SRSF12: variants seen among roughly 807,000 people sequenced by gnomAD.
The protein encoded by SRSF12 is serine/arginine-rich splicing factor 12.
SRSF12 carries 21 observed loss-of-function variants against 34.1 expected under a neutral mutation model. That is an observed-to-expected ratio of 0.62 (90% confidence interval 0.44 to 0.89). The LOEUF (loss-of-function observed/expected upper bound fraction) is 0.89. SRSF12 is among the 40% of genes least tolerant of loss of function. The pLI is 0.00. For synonymous variants in SRSF12, 111 were observed against 110.8 expected (o/e 1.00, Z -0.01); for missense variants, 278 against 327.8 (o/e 0.85, Z 1.17).
chr6:89,105,418 C>A lies in SRSF12; in HGVS notation c.274+9G>T. On this transcript the variant is annotated intron_variant, in intron 3 of 4. Coordinates refer to ENST00000452027, the MANE Select transcript of SRSF12 (RefSeq NM_080743.5). ...GAATAAATAAAATCTAGCATTCAGT[C>A]ACACTTACTTTTGCGATCACCTTGT... 1 of 1,591,644 alleles carries A rather than the reference C, an allele frequency of 6.3e-7. No individual in the cohort carries two copies. Among genetic ancestry groups the A allele is most frequent in the South Asian group, 1.2e-5 (1 of 86,514 alleles).
chr6:89,113,422 T>A (rs1020021438), intron 1 of SRSF12, among the ~76,000 whole-genome samples: 3 of 152,096 alleles, frequency 2.0e-5, no homozygotes, highest in Non-Finnish European at 2.9e-5. Context: ...TCCGCCCACT[T>A]TGGCCTCCCA....
intron 4 of SRSF12, among the ~76,000 whole-genome samples, chr6:89,100,207 G>C (rs1255300987): frequency 2.0e-5 from 3 of 152,174 alleles, no homozygotes; most frequent in Non-Finnish European, 4.4e-5. Context: ...CAAAAAACCG[G>C]AATTCAGAAA....
At chr6:89,100,296 T>G (rs1249489043) in intron 4 of SRSF12, among the ~76,000 whole-genome samples, 3 of 152,068 alleles carry the variant, frequency 2.0e-5, no homozygotes, top group African/African-American at 7.2e-5. Context: ...AAAAGGTCAA[T>G]GAGGAACATT....
rs1353156160 is a variant in SRSF12 at position 89,105,422 on chromosome 6, C to T, written c.274+5G>A. The T allele has an allele frequency of 1.3e-6, 2 of 1,596,060 alleles. No homozygotes were observed. The highest frequency in any genetic ancestry group is 1.7e-6 in the Non-Finnish European group (2 of 1,173,874). ...AAATAAAATCTAGCATTCAGTCACA[C>T]TTACTTTTGCGATCACCTTGTGCAA... On this transcript the variant is annotated splice_donor_5th_base_variant and intron_variant, in intron 3 of 4. Coordinates refer to ENST00000452027, the MANE Select transcript of SRSF12 (RefSeq NM_080743.5).
At position 89,109,489 on chromosome 6, in the gene SRSF12, G is replaced by T. The variant is rs139396647; in HGVS notation, c.66-2231C>A. The stretch of plus-strand genomic sequence containing the variant: ...AGAGATCTACACAGCCAGTAGTAGA[G>T]CTAGGATTCAAATGAAGGTCTTCTG... On this transcript the variant is annotated intron_variant, in intron 1 of 4. Transcript: ENST00000452027. 6.0e-3 allele frequency among the ~76,000 whole-genome samples: 917 copies of T among 152,324 alleles called. 9 individuals are homozygous for T. The highest frequency in any genetic ancestry group is 0.021 in the African/African-American group (892 of 41,562).
intron 1 of SRSF12, among the ~76,000 whole-genome samples, chr6:89,108,703 AC>A (rs1217027452): frequency 6.6e-6 from 1 of 152,230 alleles, no homozygotes; most frequent in Non-Finnish European, 1.5e-5. Context: ...AAAAGAAGCA[AC>A]TTTCAGGTTT....
rs1769090439 is a variant in SRSF12 at position 89,112,326 on chromosome 6, ATT to A, written c.66-5070_66-5069del. 2.0e-5 allele frequency among the ~76,000 whole-genome samples: 3 copies of A among 152,180 alleles called. No individual in the cohort carries two copies. In the South Asian group the frequency reaches 6.2e-4, roughly 31 times the overall value. Reference sequence around the variant, plus strand: ...GTCTTCTGCTTTTAATTTTTTAAAAATTTGTTTTGTTTTAAAACATTCTTAGT... The same window carrying A: ...GTCTTCTGCTTTTAATTTTTTAAAAATGTTTTGTTTTAAAACATTCTTAGT... On this transcript the variant is annotated intron_variant, in intron 1 of 4. Coordinates refer to ENST00000452027, the MANE Select transcript of SRSF12 (RefSeq NM_080743.5).
chr6:89,113,888 C>A (rs1294230172), intron 1 of SRSF12, among the ~76,000 whole-genome samples: 1 of 152,108 alleles, frequency 6.6e-6, no homozygotes, highest in Admixed American at 6.5e-5. Flanking sequence ...AGTGATCTAC[C>A]CACCTCAGCC....
chr6:89,112,443 CTTTCT>C (rs1352586681), intron 1 of SRSF12, among the ~76,000 whole-genome samples: 5 of 140,464 alleles, frequency 3.6e-5, no homozygotes, highest in African/African-American at 7.7e-5. Flanking sequence ...ATTTTCTTTT[CTTTCT>C]TTTTTTTTTT....
chr6:89,106,536 T>C (rs1257633756), intron 2 of SRSF12: 1 of 154,644 alleles, frequency 6.5e-6, no homozygotes, highest in Non-Finnish European at 1.4e-5. Context: ...GTATATAAAT[T>C]ATATAATATT....
At chr6:89,116,992 G>A (rs1428590762) in intron 1 of SRSF12, among the ~76,000 whole-genome samples, 1 of 151,930 alleles carries the variant, frequency 6.6e-6, no homozygotes, top group Non-Finnish European at 1.5e-5. Flanking sequence ...GGAAGTAAAT[G>A]AAGCCCAGTG....
intron 1 of SRSF12, among the ~76,000 whole-genome samples, chr6:89,113,680 A>T (rs1769160488): frequency 6.6e-6 from 1 of 151,600 alleles, no homozygotes; most frequent in South Asian, 2.1e-4. Context: ...ACAGAGTCTC[A>T]CTCTCACCCC....
chr6:89,101,959 A>T (rs1270599252), intron 4 of SRSF12, among the ~76,000 whole-genome samples: 3 of 152,070 alleles, frequency 2.0e-5, no homozygotes, highest in Non-Finnish European at 2.9e-5. Context: ...TGTGTACTAT[A>T]AGAAATACTA....
At position 89,098,939 on chromosome 6, in the gene SRSF12, T is replaced by C; in HGVS notation, c.425A>G (p.His142Arg). ...AGACTGGCTATAAGAAAATCGCCTG[T>C]GTCGAGACCTGCAAACATCCATAAT... ...RRSDSLKESRHRRFSYSQSKS... is the reference protein window; with the variant it reads ...RRSDSLKESRRRRFSYSQSKS... The change falls in exon 5 of 5, where the codon CAC becomes CGC. Residue 142 changes from histidine (H) to arginine (R), a missense_variant. By Grantham distance (29) the His-to-Arg change is conservative (BLOSUM62 0). Transcript: ENST00000452027. The C allele has an allele frequency of 1.2e-6, 2 of 1,611,786 alleles. No homozygotes were observed. The highest frequency in any genetic ancestry group is 8.5e-7 in the Non-Finnish European group (1 of 1,178,742).
At chr6:89,106,566 A>G (rs563052940) in intron 2 of SRSF12, 165 of 159,800 alleles carry the variant, frequency 1.0e-3, no homozygotes, top group Admixed American at 3.8e-3. Flanking sequence ...TATAATGGAA[A>G]TTAGCTATAT....
At chr6:89,110,231 T>C (rs1274970718) in intron 1 of SRSF12, among the ~76,000 whole-genome samples, 1 of 152,152 alleles carries the variant, frequency 6.6e-6, no homozygotes, top group Non-Finnish European at 1.5e-5. Flanking sequence ...TAACAAAGAA[T>C]TGGACAAAAT....
At chr6:89,111,178 G>A (rs540394648) in intron 1 of SRSF12, among the ~76,000 whole-genome samples, 88 of 150,812 alleles carry the variant, frequency 5.8e-4, no homozygotes, top group Non-Finnish European at 9.7e-4. Flanking sequence ...GCACAATCTC[G>A]GGTCACTGCA....
intron 4 of SRSF12, among the ~76,000 whole-genome samples, chr6:89,099,376 T>G (rs1198760733): frequency 8.9e-6 from 1 of 112,896 alleles, no homozygotes; most frequent in Admixed American, 9.5e-5. Context: ...AATCTTCCCA[T>G]AGAAAACAGC....
intron 4 of SRSF12, among the ~76,000 whole-genome samples, chr6:89,101,693 G>A (rs1045486577): frequency 2.9e-4 from 28 of 97,630 alleles, no homozygotes; most frequent in Admixed American, 9.9e-4. Flanking sequence ...GTGAGACTCT[G>A]TCTCAAAAAA....
Sources: allele counts gnomAD v4.1 joint callset (sites outside exome capture counted in the v4.1 genomes callset), GRCh38; gene constraint gnomAD v4.1.1; transcripts MANE v1.5; gene names NCBI Gene and HGNC (gene_info 2026-07-23, HGNC 2026-07-21).